NCOA4: variants seen among roughly 807,000 people sequenced by gnomAD.
NCOA4 encodes the protein nuclear receptor coactivator 4.
Under a neutral mutation model 69.5 loss-of-function variants are expected in NCOA4, and 31 were observed. The observed-to-expected ratio is 0.45, with a 90% CI of 0.34 to 0.60. The LOEUF (loss-of-function observed/expected upper bound fraction) is 0.60, where lower values mean the gene tolerates loss of function less well. Ranked by LOEUF, NCOA4 falls within the 20% of genes least tolerant of loss-of-function variation. The pLI, the probability that NCOA4 is intolerant of heterozygous loss-of-function variation, is 0.02. For missense variants in NCOA4, 600 were observed against 719.2 expected, an observed-to-expected ratio of 0.83 and a Z score of 1.90; for synonymous variants, 228 against 252.4, an observed-to-expected ratio of 0.90 and a Z score of 0.92.
In NCOA4 at chr10:46,017,262, T is replaced by C. The variant is rs536829542; in HGVS notation, c.-14-568A>G. ...CTAGGAAGTTCTCAAAAATATAACA[T>C]AGGGCCGGGCACGGTGGCTCACACC... On this transcript the variant is annotated intron_variant, in intron 1 of 9. Transcript: ENST00000581486. Among the ~76,000 whole-genome samples, 16 of 152,244 alleles carry C rather than the reference T, an allele frequency of 1.1e-4. 1 individual carries two copies. Among genetic ancestry groups the C allele is most frequent in the Admixed American group, 7.2e-4 (11 of 15,288 alleles).
rs1393715070 is a variant in NCOA4 at position 46,010,741 on chromosome 10, G to A, written c.1180C>T (p.His394Tyr). 3 of 1,613,800 alleles carry A rather than the reference G, an allele frequency of 1.9e-6. No individual in the cohort carries two copies. The highest frequency in any genetic ancestry group is 1.7e-5 in the Admixed American group (1 of 59,996). Residue 394 changes from histidine (H) to tyrosine (Y), a missense_variant, in exon 8 of 10, where the codon CAT becomes TAT. Physicochemically the swap from His to Tyr is moderately conservative, Grantham distance 83. Transcript: ENST00000581486. ...TCCTCTACCTTACATGGGTCCTGAT[G>A]GTTCTGGACAAGCCAATCCTCTGTA... is the stretch of plus-strand genomic sequence containing the variant. ...MVTEDWLVQNHQDPCKVEEVC... is the reference protein window; with the variant it reads ...MVTEDWLVQNYQDPCKVEEVC...
At chr10:46,015,808 G>A (rs1243674493) in intron 2 of NCOA4, among the ~76,000 whole-genome samples, 1 of 152,160 alleles carries the variant, frequency 6.6e-6, no homozygotes, top group East Asian at 1.9e-4. Context: ...AAAGAGATGT[G>A]CCACCACATG....
chr10:46,013,778 A>C (rs1309560236), intron 5 of NCOA4, 139 bp from the exon 6 acceptor site: 2 of 569,882 alleles, frequency 3.5e-6, no homozygotes, highest in African/African-American at 3.8e-5. Flanking sequence ...ATGACTTACA[A>C]AGTAGTTATC....
Position 46,012,937 on chromosome 10 carries a change from G to A in NCOA4, c.660C>T (p.Pro220=), listed in dbSNP as rs200808373. The A allele has an allele frequency of 1.9e-5, 30 of 1,614,048 alleles. No homozygotes were observed. The Admixed American group carries it at 3.2e-4, about 17-fold the overall frequency. The change falls in exon 7 of 10, where the codon CCC becomes CCT. Residue 220 remains proline (P), a synonymous_variant. Coordinates refer to ENST00000581486, the MANE Select transcript of NCOA4 (RefSeq NM_001145263.2). ...PASGYQAPYI[P]STDPQDWLTQ... ...TAAGCCAGTCCTGGGGGTCGGTGCTGGGTATGTAAGGAGCTTGATAACCAC... is the reference window on the plus strand; with the variant it reads ...TAAGCCAGTCCTGGGGGTCGGTGCTAGGTATGTAAGGAGCTTGATAACCAC...
intron 1 of NCOA4, chr10:46,023,465 G>C: frequency 6.1e-6 from 6 of 985,678 alleles, no homozygotes; most frequent in Middle Eastern, 5.2e-4. Context: ...GTTCGCCCGG[G>C]CCACTAGCGA....
chr10:46,022,894 T>C (rs2132372836), intron 1 of NCOA4, among the ~76,000 whole-genome samples: 1 of 152,288 alleles, frequency 6.6e-6, no homozygotes, highest in African/African-American at 2.4e-5. Context: ...CTGTAATCTT[T>C]TTAAAACCAC....
At chr10:46,024,246 G>T in intron 1 of NCOA4, among the ~76,000 whole-genome samples, 1 of 152,286 alleles carries the variant, frequency 6.6e-6, no homozygotes, top group East Asian at 1.9e-4. Context: ...ACTTCTGAAT[G>T]ACTAAAGTTA....
Position 46,009,531 on chromosome 10 carries a change from A to G in NCOA4, c.1719T>C (p.Pro573=). Residue 573 remains proline, a synonymous_variant, in exon 9 of 10, where the codon CCT becomes CCC. Transcript: ENST00000581486. Reference sequence around the variant, plus strand: ...GGGGGAAGTTATGTTCCTCCTGTAGAGGTGAATTAAGTAATACTTCCTGCA... The same window carrying G: ...GGGGGAAGTTATGTTCCTCCTGTAGGGGTGAATTAAGTAATACTTCCTGCA... ...KKAQEVLLNS[P]LQEEHNFPPD... The G allele has an allele frequency of 6.2e-7, 1 of 1,607,828 alleles. No homozygotes were observed. Among genetic ancestry groups the G allele is most frequent in the Non-Finnish European group, 8.5e-7 (1 of 1,178,518 alleles).
At chr10:46,012,702 T>G (rs571199605) in intron 7 of NCOA4, among the ~76,000 whole-genome samples, 181 bp downstream of exon 7, 24 of 152,286 alleles carry the variant, frequency 1.6e-4, no homozygotes, top group African/African-American at 5.5e-4. Flanking sequence ...TTCTTTATTT[T>G]TAAAATTTTC....
At chr10:46,012,201 T>G (rs781940082) in intron 7 of NCOA4, among the ~76,000 whole-genome samples, 5 of 148,582 alleles carry the variant, frequency 3.4e-5, no homozygotes, top group Non-Finnish European at 7.4e-5. Context: ...CCTAAATGAC[T>G]ATTACTCTTA....
chr10:46,017,556 A>G (rs556662740), intron 1 of NCOA4, among the ~76,000 whole-genome samples: 29 of 152,298 alleles, frequency 1.9e-4, no homozygotes, highest in Admixed American at 1.1e-3. Flanking sequence ...ACAACAACAA[A>G]AAAGAATATA....
At chr10:46,018,246 G>C (rs138387738) in intron 1 of NCOA4, among the ~76,000 whole-genome samples, 25 of 152,268 alleles carry the variant, frequency 1.6e-4, no homozygotes, top group African/African-American at 5.3e-4. Flanking sequence ...GACAGAAACA[G>C]ATCCCAAAAC....
intron 7 of NCOA4, among the ~76,000 whole-genome samples, chr10:46,012,071 A>G (rs1015074150): frequency 2.6e-3 from 49 of 18,874 alleles, no homozygotes; most frequent in Non-Finnish European, 5.2e-3. Context: ...AAAAAGAAAG[A>G]AAAAAAAAAA....
At chr10:46,023,571 T>G (rs150350741) in intron 1 of NCOA4, 10 of 962,244 alleles carry the variant, frequency 1.0e-5, no homozygotes, top group African/African-American at 1.8e-5. Context: ...GCGGCCCCCC[T>G]GCAGCTCCCT....
At chr10:46,028,194 ATCT>A (rs1438816459) in intron 1 of NCOA4, among the ~76,000 whole-genome samples, 1 of 152,130 alleles carries the variant, frequency 6.6e-6, no homozygotes, top group Non-Finnish European at 1.5e-5. Context: ...CTCAGAGGTC[ATCT>A]TCTCATTGAG....
chr10:46,015,313 T>C (rs1362732022), intron 2 of NCOA4, 47 bp from the exon 3 acceptor site: 2 of 1,355,258 alleles, frequency 1.5e-6, no homozygotes, highest in Non-Finnish European at 9.8e-7. Context: ...TCCCAAAGAA[T>C]GATGTTTCCC....
At chr10:46,021,801 A>C (rs1554924416) in intron 1 of NCOA4, among the ~76,000 whole-genome samples, 1 of 152,152 alleles carries the variant, frequency 6.6e-6, no homozygotes, top group African/African-American at 2.4e-5. Flanking sequence ...CTCTAATAAA[A>C]ATACAAAATT....
chr10:46,007,955 T>C (rs1838949435), intron 9 of NCOA4, among the ~76,000 whole-genome samples: 1 of 152,172 alleles, frequency 6.6e-6, no homozygotes, highest in Non-Finnish European at 1.5e-5. Flanking sequence ...AAATCTACTC[T>C]GCCTGTGCTC....
chr10:46,021,893 A>G (rs1839892127), intron 1 of NCOA4, among the ~76,000 whole-genome samples: 1 of 152,162 alleles, frequency 6.6e-6, no homozygotes, highest in Non-Finnish European at 1.5e-5. Context: ...TGGGAGGCGG[A>G]GGTTGCAGTG....
Sources: allele counts gnomAD v4.1 joint callset (sites outside exome capture counted in the v4.1 genomes callset), GRCh38; gene constraint gnomAD v4.1.1; transcripts MANE v1.5; gene names NCBI Gene and HGNC (gene_info 2026-07-23, HGNC 2026-07-21).